ZSCAN5A: variants seen among roughly 807,000 people sequenced by gnomAD.
ZSCAN5A encodes the protein zinc finger and SCAN domain containing 5A.
ZSCAN5A carries 12 observed loss-of-function variants against 23.7 expected under a neutral mutation model. The observed-to-expected ratio is 0.51, with a 90% CI of 0.32 to 0.82. The LOEUF (loss-of-function observed/expected upper bound fraction) is 0.82, where lower values mean the gene tolerates loss of function less well. Ranked by LOEUF, ZSCAN5A falls within the 40% of genes least tolerant of loss-of-function variation. The probability of loss-of-function intolerance (pLI) is 0.03; values close to 1 mark genes in which losing one functional copy is unlikely to be tolerated. For synonymous variants in ZSCAN5A, 257 were observed against 239.9 expected (o/e 1.07, Z -0.66); for missense variants, 597 against 617.9 (o/e 0.97, Z 0.36).
intron 2 of ZSCAN5A, chr19:56,342,421 A>G (rs2041600057): frequency 2.8e-6 from 1 of 351,024 alleles, no homozygotes; most frequent in Admixed American, 2.7e-5. Context: ...AAACTACCAC[A>G]TGATCTTTAT....
chr19:56,356,574 C>A (rs1399313106), intron 2 of ZSCAN5A, among the ~76,000 whole-genome samples: 1 of 148,038 alleles, frequency 6.8e-6, no homozygotes, highest in African/African-American at 2.6e-5. Context: ...GGGGGCGCTA[C>A]CTTATAACTA....
intron 2 of ZSCAN5A, among the ~76,000 whole-genome samples, chr19:56,248,557 T>G (rs114853091): frequency 0.012 from 1,832 of 152,222 alleles, 33 homozygotes; most frequent in African/African-American, 0.041. Context: ...CATCCTGTAT[T>G]GTTTGTATTA....
At chr19:56,288,227 C>T (rs1287038897) in intron 2 of ZSCAN5A, among the ~76,000 whole-genome samples, 2 of 152,204 alleles carry the variant, frequency 1.3e-5, no homozygotes, top group African/African-American at 4.8e-5. Context: ...ACCATGATCA[C>T]CTACCATCAT....
At chr19:56,264,385 C>T (rs1431903198) in intron 2 of ZSCAN5A, among the ~76,000 whole-genome samples, 1 of 152,182 alleles carries the variant, frequency 6.6e-6, no homozygotes, top group African/African-American at 2.4e-5. Flanking sequence ...ATGCTCATTC[C>T]ACTACAGAAA....
At chr19:56,255,348 G>A (rs1403385583) in intron 2 of ZSCAN5A, among the ~76,000 whole-genome samples, 1 of 152,114 alleles carries the variant, frequency 6.6e-6, no homozygotes, top group Non-Finnish European at 1.5e-5. Flanking sequence ...GAGTGGGGAG[G>A]GAAGCTATGG....
At chr19:56,231,000 A>G (rs2034416684) in intron 2 of ZSCAN5A, among the ~76,000 whole-genome samples, 1 of 152,168 alleles carries the variant, frequency 6.6e-6, no homozygotes, top group Admixed American at 6.5e-5. Flanking sequence ...CACAGCTGAA[A>G]GCAGAACTTT....
At chr19:56,350,055 G>A (rs2041658220) in intron 2 of ZSCAN5A, among the ~76,000 whole-genome samples, 1 of 152,168 alleles carries the variant, frequency 6.6e-6, no homozygotes, top group African/African-American at 2.4e-5. Flanking sequence ...AGAACTAAAC[G>A]CTGTGGCACT....
At chr19:56,306,094 GCC>G (rs1256989643) in intron 2 of ZSCAN5A, among the ~76,000 whole-genome samples, 1 of 152,142 alleles carries the variant, frequency 6.6e-6, no homozygotes, top group Admixed American at 6.5e-5. Flanking sequence ...GCCATGGGAA[GCC>G]ACGGAAAGGC....
intron 2 of ZSCAN5A, among the ~76,000 whole-genome samples, chr19:56,302,489 C>CTT (rs2040327549): frequency 7.3e-6 from 1 of 137,266 alleles, no homozygotes; most frequent in Non-Finnish European, 1.6e-5. Context: ...CCTTCCCATC[C>CTT]TTCTTCCCTC....
intron 2 of ZSCAN5A, among the ~76,000 whole-genome samples, chr19:56,232,677 C>T (rs1016592475): frequency 2.7e-5 from 3 of 109,814 alleles, no homozygotes; most frequent in Non-Finnish European, 6.6e-5. Flanking sequence ...ATTTTTTTTT[C>T]TTTTTCTTTT....
intron 2 of ZSCAN5A, among the ~76,000 whole-genome samples, chr19:56,304,160 C>G (rs977837580): frequency 2.6e-5 from 4 of 152,188 alleles, no homozygotes; most frequent in Non-Finnish European, 5.9e-5. Context: ...GAGGAGGAGA[C>G]ACACTGAGAG....
Position 56,321,769 on chromosome 19 carries a change from A to C in ZSCAN5A, c.-357-5501T>G, listed in dbSNP as rs2041378502. On this transcript the variant is annotated intron_variant, in intron 2 of 6. Transcript: ENST00000587340. ...TCAGGCAATTACTTCCTGCAACCAAATCATACAGCTTGATTCCTACCCAGT... is the reference window on the plus strand; with the variant it reads ...TCAGGCAATTACTTCCTGCAACCAACTCATACAGCTTGATTCCTACCCAGT... 4.8e-6 allele frequency: 6 copies of C among 1,241,420 alleles called. No homozygotes were observed. The Admixed American group carries it at 1.0e-4, about 21-fold the overall frequency. 76.9% of individuals were successfully genotyped at this position (1,241,420 alleles called of 1,614,324 possible).
chr19:56,246,470 A>C (rs2035906189), intron 2 of ZSCAN5A: 2 of 622,408 alleles, frequency 3.2e-6, no homozygotes, highest in East Asian at 5.7e-5. Flanking sequence ...GGTCCTAGTG[A>C]GTATGAAGAC....
chr19:56,318,676 CAAT>C (rs1324245688), upstream of ZSCAN5A, among the ~76,000 whole-genome samples: 1 of 152,070 alleles, frequency 6.6e-6, no homozygotes, highest in African/African-American at 2.4e-5. Context: ...AAAATAAAAT[CAAT>C]GATAACACCG....
intron 2 of ZSCAN5A, among the ~76,000 whole-genome samples, chr19:56,309,538 C>T (rs2040899857): frequency 6.6e-6 from 1 of 152,212 alleles, no homozygotes; most frequent in South Asian, 2.1e-4. Context: ...CCCTGCGGAA[C>T]ACAGTTTGAG....
In ZSCAN5A at chr19:56,357,056, CA is replaced by C. The variant is rs1343990620; in HGVS notation, c.-358+6178del. Among the ~76,000 whole-genome samples, 2 of 148,626 alleles carry C rather than the reference CA, an allele frequency of 1.3e-5. 1 individual carries two copies. The highest frequency in any genetic ancestry group is 5.1e-5 in the African/African-American group (2 of 39,398). On this transcript the variant is annotated intron_variant, in intron 2 of 6. Coordinates refer to the ZSCAN5A transcript ENST00000587340. ...TTTTTATTCTTCAGCAATTTAAAGA[CA>C]ATTTTCCATTTGTGTTAGGCCTCCA...
At chr19:56,231,199 C>A (rs1057418532) in intron 2 of ZSCAN5A, among the ~76,000 whole-genome samples, 1 of 152,016 alleles carries the variant, frequency 6.6e-6, no homozygotes. Flanking sequence ...GGTAACAGAG[C>A]CAGACCCTTT....
At chr19:56,247,241 G>T (rs757734682) in intron 2 of ZSCAN5A, 2 of 422,240 alleles carry the variant, frequency 4.7e-6, no homozygotes, top group East Asian at 1.0e-4. Context: ...TGTGACATCT[G>T]TCACAAACGG....
In ZSCAN5A at chr19:56,221,446, C is replaced by T. The variant is rs62122488; in HGVS notation, c.*129G>A. On this transcript the variant is annotated 3_prime_UTR_variant, in exon 6 of 6. Coordinates refer to ENST00000683990, the MANE Select transcript of ZSCAN5A (RefSeq NM_001322064.3). The stretch of plus-strand genomic sequence containing the variant: ...ACACATATTTACTCAAACATCCTGG[C>T]AATTCATATCTAGGGCACTCCCTCT... The T allele has an allele frequency of 0.014, 16,564 of 1,142,456 alleles. 145 individuals are homozygous for T. The highest frequency in any genetic ancestry group is 0.018 in the Non-Finnish European group (14,693 of 812,918). 70.8% of individuals were successfully genotyped at this position (1,142,456 alleles called of 1,614,324 possible). A position where few individuals can be genotyped will look rare whatever the true frequency, so the allele number is the denominator to read the frequency against.
Sources: allele counts gnomAD v4.1 joint callset (sites outside exome capture counted in the v4.1 genomes callset), GRCh38; gene constraint gnomAD v4.1.1; transcripts MANE v1.5; gene names NCBI Gene and HGNC (gene_info 2026-07-23, HGNC 2026-07-21).